Variants in ZSCAN5A observed in about 807,000 individuals in gnomAD.
The protein encoded by ZSCAN5A is zinc finger and SCAN domain containing 5A, also known as zinc finger and SCAN domain-containing protein 5A.
A neutral mutation model predicts 23.7 loss-of-function variants in ZSCAN5A; 12 were observed. That is an observed-to-expected ratio of 0.51 (90% CI 0.32 to 0.82). ZSCAN5A has a LOEUF of 0.82. ZSCAN5A is among the 40% of genes least tolerant of loss of function. The probability of loss-of-function intolerance (pLI) is 0.03; values close to 1 mark genes in which losing one functional copy is unlikely to be tolerated. For missense variants in ZSCAN5A, 597 were observed against 617.9 expected (o/e 0.97, Z 0.36); for synonymous variants, 257 against 239.9 (o/e 1.07, Z -0.66).
intron 2 of ZSCAN5A, among the ~76,000 whole-genome samples, chr19:56,308,426 C>T (rs1254364823): frequency 5.3e-5 from 8 of 152,014 alleles, no homozygotes; most frequent in East Asian, 1.9e-4. Context: ...CAGGTTCAAA[C>T]GATTCTCCTG....
At chr19:56,264,729 C>A (rs2037350954) in intron 2 of ZSCAN5A, among the ~76,000 whole-genome samples, 1 of 152,154 alleles carries the variant, frequency 6.6e-6, no homozygotes, top group Non-Finnish European at 1.5e-5. Flanking sequence ...GCGACAGGGA[C>A]CATATGGCTA....
intron 2 of ZSCAN5A, among the ~76,000 whole-genome samples, chr19:56,360,078 A>G (rs976058232): frequency 2.6e-5 from 4 of 152,224 alleles, no homozygotes; most frequent in Non-Finnish European, 5.9e-5. Flanking sequence ...GGCAAAGGAA[A>G]TCAGGCAAGA....
At position 56,222,291 on chromosome 19, in the gene ZSCAN5A, G is replaced by T. The variant is rs1170863184; in HGVS notation, c.775C>A (p.Pro259Thr). 2.5e-6 allele frequency: 4 copies of T among 1,612,896 alleles called. No homozygotes were observed. The highest frequency in any genetic ancestry group is 2.5e-6 in the Non-Finnish European group (3 of 1,179,854). The change falls in exon 6 of 6, where the codon CCA becomes ACA. Residue 259 changes from proline (P) to threonine (T), a missense_variant. Pro to Thr is a conservative substitution (Grantham distance 38, BLOSUM62 -1). Transcript: ENST00000683990. The stretch of plus-strand genomic sequence containing the variant: ...ACATTTTCCACAGAGGCTATTTTTG[G>T]GGGGTCCTTCCCCTCCTTTGCTCTC... ...LVRAKEGKDP[P>T]KIASVENVDA...
At chr19:56,243,036 C>G (rs1424741372) in intron 2 of ZSCAN5A, among the ~76,000 whole-genome samples, 1 of 152,190 alleles carries the variant, frequency 6.6e-6, no homozygotes, top group African/African-American at 2.4e-5. Flanking sequence ...GTCTTGGCCT[C>G]CCAAAGTGTT....
chr19:56,221,952 C>T lies in ZSCAN5A; in HGVS notation c.1114G>A (p.Val372Ile). 2 of 1,614,098 alleles carry T rather than the reference C, an allele frequency of 1.2e-6. No individual in the cohort carries two copies. The highest frequency in any genetic ancestry group is 1.7e-6 in the Non-Finnish European group (2 of 1,180,044). Residue 372 changes from valine (V) to isoleucine (I), a missense_variant, in exon 6 of 6, where the codon GTC (valine) becomes ATC (isoleucine). Transcript: ENST00000683990. ...EKRFTCNSKL[V>I]IHKRSHTGER... Reference sequence around the variant, plus strand: ...CCTGTGTGTGATCTCTTGTGGATGACTAGCTTGGAATTACACGTAAACCTC... The same window carrying T: ...CCTGTGTGTGATCTCTTGTGGATGATTAGCTTGGAATTACACGTAAACCTC...
In ZSCAN5A at chr19:56,351,838, A is replaced by G. The variant is rs11672336; in HGVS notation, c.-358+11397T>C. Among the ~76,000 whole-genome samples, 11,453 of 152,206 alleles carry G rather than the reference A, an allele frequency of 0.075. 497 individuals are homozygous for G. The highest frequency in any genetic ancestry group is 0.18 in the Middle Eastern group (53 of 294). On this transcript the variant is annotated intron_variant, in intron 2 of 6. Coordinates refer to the ZSCAN5A transcript ENST00000587340. This position sits in a 1 kb window ranked among gnomAD's most constrained non-coding sequence, Gnocchi z 4.8. ...GTGCAGCGAATACGAACCTGGGAAG[A>G]CTGTGGTGTTTCTTTAGATGGCTGG...
intron 2 of ZSCAN5A, among the ~76,000 whole-genome samples, chr19:56,276,963 A>G (rs973054417): frequency 6.6e-6 from 1 of 152,146 alleles, no homozygotes; most frequent in Non-Finnish European, 1.5e-5. Context: ...AACTATTTCT[A>G]TTTACAAATA....
chr19:56,225,208 G>C (rs1312960987), intron 2 of ZSCAN5A, 35 bp from the exon 3 acceptor site: 8 of 1,417,132 alleles, frequency 5.6e-6, no homozygotes, highest in Non-Finnish European at 7.3e-6. Context: ...ATTAGTTTAA[G>C]TTACTACTCC....
At chr19:56,223,044 A>C (rs1199580066) in intron 4 of ZSCAN5A, among the ~76,000 whole-genome samples, 1 of 152,162 alleles carries the variant, frequency 6.6e-6, no homozygotes, top group Non-Finnish European at 1.5e-5. Flanking sequence ...TGACACTGGA[A>C]GGAGCATGAC....
intron 2 of ZSCAN5A, among the ~76,000 whole-genome samples, chr19:56,254,002 A>G (rs1265538443): frequency 1.3e-5 from 2 of 151,976 alleles, no homozygotes; most frequent in Non-Finnish European, 2.9e-5. Context: ...ATTAAACATA[A>G]CCAAAGCGTC....
At chr19:56,321,373 G>A in intron 2 of ZSCAN5A, 2 of 642,446 alleles carry the variant, frequency 3.1e-6, no homozygotes, top group Non-Finnish European at 5.8e-6. Context: ...GACACCAGCA[G>A]TTGGCTGGCA....
At chr19:56,222,871 C>A in intron 4 of ZSCAN5A, 130 bp from the exon 5 acceptor site, 1 of 1,203,110 alleles carries the variant, frequency 8.3e-7, no homozygotes. Context: ...TGCAGACTTC[C>A]CCTGGACCAC....
intron 2 of ZSCAN5A, chr19:56,297,808 C>T (rs576110797): frequency 6.6e-6 from 1 of 152,288 alleles, no homozygotes; most frequent in East Asian, 1.9e-4. Context: ...GTCCTCTCTT[C>T]CCGACATGGA....
intron 2 of ZSCAN5A, among the ~76,000 whole-genome samples, chr19:56,275,146 C>A (rs1300777307): frequency 6.6e-6 from 1 of 152,184 alleles, no homozygotes; most frequent in East Asian, 1.9e-4. Context: ...GGTTTCTCCA[C>A]TGTTAAGTTA....
intron 2 of ZSCAN5A, among the ~76,000 whole-genome samples, chr19:56,244,830 G>A (rs2035737224): frequency 6.6e-6 from 1 of 151,500 alleles, no homozygotes; most frequent in Non-Finnish European, 1.5e-5. Context: ...AGGCATTAGA[G>A]TGAACTGAAG....
intron 2 of ZSCAN5A, among the ~76,000 whole-genome samples, chr19:56,253,701 C>T (rs7250032): frequency 0.3 from 45,080 of 151,938 alleles, 7,670 homozygotes; most frequent in Non-Finnish European, 0.39. Flanking sequence ...TCCGGTGTTA[C>T]AGACACTAAA....
intron 2 of ZSCAN5A, among the ~76,000 whole-genome samples, chr19:56,292,706 A>G (rs1415267608): frequency 6.6e-6 from 1 of 152,064 alleles, no homozygotes; most frequent in Non-Finnish European, 1.5e-5. Flanking sequence ...GTACCCATTA[A>G]ACAGTCAGTC....
rs907348825 is a variant in ZSCAN5A at position 56,302,107 on chromosome 19, G to C, written c.-128+11176C>G. The C allele has an allele frequency of 2.4e-6, 3 of 1,231,544 alleles. No individual in the cohort carries two copies. The African/African-American group carries it at 4.7e-5, about 19-fold the overall frequency. 76.3% of individuals were successfully genotyped at this position (1,231,544 alleles called of 1,614,324 possible). ...ACAAAGGGGACTGGGTAAGAAGAAGGCAGCACGGAGGGGAGGAGTGTGAGG... is the reference window on the plus strand; with the variant it reads ...ACAAAGGGGACTGGGTAAGAAGAAGCCAGCACGGAGGGGAGGAGTGTGAGG... On this transcript the variant is annotated intron_variant, in intron 2 of 5. Coordinates refer to ENST00000683990, the MANE Select transcript of ZSCAN5A (RefSeq NM_001322064.3).
intron 2 of ZSCAN5A, among the ~76,000 whole-genome samples, chr19:56,333,722 C>T (rs1220726281): frequency 6.6e-6 from 1 of 151,904 alleles, no homozygotes; most frequent in Non-Finnish European, 1.5e-5. Flanking sequence ...GGTAGTATGC[C>T]AAACTGCACA....
Sources: allele counts gnomAD v4.1 joint callset (sites outside exome capture counted in the v4.1 genomes callset), GRCh38; gene constraint gnomAD v4.1.1; non-coding constraint Gnocchi (gnomAD v3.1); transcripts MANE v1.5; gene names NCBI Gene and HGNC (gene_info 2026-07-23, HGNC 2026-07-21).